Variants in KLHL13 observed in about 807,000 individuals in gnomAD.
KLHL13 encodes the protein kelch-like protein 13.
In KLHL13, 10 loss-of-function variants were observed where a neutral mutation model predicts 37.1. That is an observed-to-expected ratio of 0.27 (90% CI 0.17 to 0.46). The LOEUF is 0.46. KLHL13 is among the 20% of genes least tolerant of loss of function. KLHL13 has a pLI of 1.00. For missense variants in KLHL13, 360 were observed against 509.3 expected (o/e 0.71, Z 2.82); for synonymous variants, 163 against 181.2 (o/e 0.90, Z 0.81).
chrX:117,960,233 A>G (rs968456771), intron 1 of KLHL13, among the ~76,000 whole-genome samples: 1 of 110,783 alleles, frequency 9.0e-6, no homozygotes, highest in Admixed American at 9.7e-5. Flanking sequence ...AAAAAAAAGT[A>G]AAAATAATAA....
At chrX:118,027,433 T>A (rs2054286241) in intron 1 of KLHL13, among the ~76,000 whole-genome samples, 1 of 111,487 alleles carries the variant, frequency 9.0e-6, no homozygotes, top group Non-Finnish European at 1.9e-5. Context: ...CCCAGGACGC[T>A]CAGTTCTTTA....
intron 1 of KLHL13, among the ~76,000 whole-genome samples, chrX:118,021,403 C>T (rs972244532): frequency 9.3e-6 from 1 of 107,081 alleles, no homozygotes; most frequent in East Asian, 3.1e-4. Flanking sequence ...CCTTACCCCA[C>T]GACAGGCCCT....
intron 1 of KLHL13, among the ~76,000 whole-genome samples, chrX:118,039,209 T>A (rs1020497281): frequency 6.2e-5 from 7 of 112,177 alleles, no homozygotes; most frequent in Non-Finnish European, 1.3e-4. Flanking sequence ...TGGCTTCACA[T>A]GTGACCCAGA....
At chrX:117,965,547 CA>C (rs2053407297) in intron 1 of KLHL13, among the ~76,000 whole-genome samples, 1 of 111,502 alleles carries the variant, frequency 9.0e-6, no homozygotes, top group African/African-American at 3.3e-5. Flanking sequence ...CTCCCTAACT[CA>C]TTTGATGAGG....
rs148829062 is a variant in KLHL13 at position 117,983,292 on chromosome X, A to G, written c.-55-37717T>C. Among the ~76,000 whole-genome samples the G allele has an allele frequency of 9.2e-3, 1,025 of 111,657 alleles. 16 individuals are homozygous for G. The highest frequency in any genetic ancestry group is 0.031 in the African/African-American group (950 of 30,767). On this transcript the variant is annotated intron_variant, in intron 1 of 6. Coordinates refer to the KLHL13 transcript ENST00000371882. ...AAGCATGTTGGAAAATATAAGGCAC[A>G]ATACAATGATGCGTGGCATTTTTAA... is the stretch of plus-strand genomic sequence containing the variant.
chrX:118,036,037 G>C (rs1211789747), intron 1 of KLHL13, among the ~76,000 whole-genome samples: 9 of 102,937 alleles, frequency 8.7e-5, no homozygotes, highest in Non-Finnish European at 1.7e-4. Context: ...AACTTACAAG[G>C]GATGTGAAGG....
chrX:118,093,807 A>G (rs746321899), intron 1 of KLHL13, among the ~76,000 whole-genome samples: 2 of 110,888 alleles, frequency 1.8e-5, no homozygotes, highest in South Asian at 7.9e-4. Context: ...TACAAGCATA[A>G]GAAGTATGAT....
In KLHL13 at chrX:118,077,834, A is replaced by C. The variant is rs781352340; in HGVS notation, c.-56+38674T>G. The stretch of plus-strand genomic sequence containing the variant: ...CATAGTCATAGGGGCTTGCAGCTTC[A>C]TGGGAACATTTATTCTTTGCTAGTG... On this transcript the variant is annotated intron_variant, in intron 1 of 6. Coordinates refer to the KLHL13 transcript ENST00000371882. Among the ~76,000 whole-genome samples, 3 of 111,543 alleles carry C rather than the reference A, an allele frequency of 2.7e-5. No individual in the cohort carries two copies. In the East Asian group the frequency reaches 8.5e-4, roughly 32 times the overall value.
intron 1 of KLHL13, among the ~76,000 whole-genome samples, chrX:117,991,772 G>A (rs192150935): frequency 9.1e-6 from 1 of 110,131 alleles, no homozygotes; most frequent in African/African-American, 3.3e-5. Flanking sequence ...GAGGGAGGTG[G>A]AGAAGAAAGG....
At chrX:117,910,230 T>C (rs1930886538) in intron 4 of KLHL13, 134 bp from the exon 6 acceptor site, 1 of 468,135 alleles carries the variant, frequency 2.1e-6, no homozygotes. Flanking sequence ...AGGATTCTTA[T>C]CTAAATGTAT....
chrX:117,983,507 T>C (rs1045571283), intron 1 of KLHL13: 23 of 1,148,505 alleles, frequency 2.0e-5, no homozygotes, highest in Non-Finnish European at 2.0e-5. Flanking sequence ...GAATATATCC[T>C]TGAAATCGGC....
chrX:117,936,218 C>G (rs1932758072), intron 2 of KLHL13, among the ~76,000 whole-genome samples: 1 of 111,833 alleles, frequency 8.9e-6, no homozygotes, highest in Non-Finnish European at 1.9e-5. Flanking sequence ...CCAATCACTA[C>G]TTAAGCTAAC....
intron 1 of KLHL13, among the ~76,000 whole-genome samples, chrX:117,994,175 C>G (rs1051903149): frequency 3.6e-5 from 4 of 111,783 alleles, no homozygotes; most frequent in African/African-American, 1.3e-4. Flanking sequence ...TGCACTTGTA[C>G]ATAGAGTTTA....
At chrX:118,103,566 G>C (rs1043536995) in intron 1 of KLHL13, among the ~76,000 whole-genome samples, 1 of 111,993 alleles carries the variant, frequency 8.9e-6, no homozygotes, top group South Asian at 3.7e-4. Flanking sequence ...AAGAAAAAGA[G>C]AGCAACCTAA....
At chrX:117,948,686 T>C (rs1933439712) in intron 1 of KLHL13, among the ~76,000 whole-genome samples, 1 of 111,558 alleles carries the variant, frequency 9.0e-6, no homozygotes, top group African/African-American at 3.3e-5. Flanking sequence ...ATAGTCTGCA[T>C]ATTGCTTGCA....
At chrX:117,976,914 A>G (rs2053603318), upstream of KLHL13, among the ~76,000 whole-genome samples, 1 of 112,203 alleles carries the variant, frequency 8.9e-6, no homozygotes, top group African/African-American at 3.2e-5. Context: ...GACTCTAAGA[A>G]TTCATTTTTC....
chrX:117,965,547 C>A, intron 1 of KLHL13, among the ~76,000 whole-genome samples: 1 of 111,501 alleles, frequency 9.0e-6, no homozygotes, highest in Non-Finnish European at 1.9e-5. Context: ...CTCCCTAACT[C>A]ATTTGATGAG....
At chrX:117,997,605 G>A (rs1283294933) in intron 1 of KLHL13, among the ~76,000 whole-genome samples, 2 of 112,226 alleles carry the variant, frequency 1.8e-5, no homozygotes, top group African/African-American at 3.2e-5. Context: ...TGTAAAGTAC[G>A]TATTGCAAGG....
rs1018018897 is a variant in KLHL13, at chrX:118,053,546, A to C, written c.-56+62962T>G. Among the ~76,000 whole-genome samples, 326 of 110,233 alleles carry C rather than the reference A, an allele frequency of 3.0e-3. 1 individual carries two copies. Among genetic ancestry groups the C allele is most frequent in the Non-Finnish European group, 5.4e-3 (284 of 52,765 alleles). On this transcript the variant is annotated intron_variant, in intron 1 of 6. Transcript: ENST00000371882. ...AGGAGATATACCTAATGTTAAATGA[A>C]GAGTTAATGGGTGCAGCACACCAAC...
Sources: allele counts gnomAD v4.1 joint callset (sites outside exome capture counted in the v4.1 genomes callset), GRCh38; gene constraint gnomAD v4.1.1; transcripts MANE v1.5; gene names NCBI Gene and HGNC (gene_info 2026-07-23, HGNC 2026-07-21).